Variants in ATP9A observed in about 807,000 individuals in gnomAD.
ATP9A encodes probable phospholipid-transporting ATPase IIA.
In ATP9A, 52 loss-of-function variants were observed where a neutral mutation model predicts 144.1. That is an observed-to-expected ratio of 0.36 (90% CI 0.29 to 0.45). The LOEUF is 0.45. ATP9A is among the 20% of genes least tolerant of loss of function. The probability of loss-of-function intolerance (pLI) is 1.00; values close to 1 mark genes in which losing one functional copy is unlikely to be tolerated. For missense variants in ATP9A, 947 were observed against 1,392.7 expected (o/e 0.68, Z 5.09); for synonymous variants, 582 against 557.4 (o/e 1.04, Z -0.62).
intron 14 of ATP9A, among the ~76,000 whole-genome samples, chr20:51,642,643 T>C (rs1245339750): frequency 7.0e-5 from 10 of 141,906 alleles, no homozygotes; most frequent in African/African-American, 2.7e-4. Context: ...GGAAGATTGA[T>C]TCAGCCTGGG....
At chr20:51,632,669 C>T (rs114242222) in intron 15 of ATP9A, among the ~76,000 whole-genome samples, 171 of 152,178 alleles carry the variant, frequency 1.1e-3, no homozygotes, top group African/African-American at 4.0e-3. Flanking sequence ...AGGTTTGTGC[C>T]AAGGGGAGAA....
intron 14 of ATP9A, among the ~76,000 whole-genome samples, chr20:51,650,074 C>G (rs2077357466): frequency 6.6e-6 from 1 of 152,150 alleles, no homozygotes; most frequent in African/African-American, 2.4e-5. Flanking sequence ...ATTTATGCCA[C>G]TGGGAGGCTA....
Position 51,619,033 on chromosome 20 carries a change from C to T in ATP9A, c.2126G>A (p.Arg709His). The T allele has an allele frequency of 1.2e-6, 2 of 1,614,070 alleles. No homozygotes were observed. The highest frequency in any genetic ancestry group is 8.5e-7 in the Non-Finnish European group (1 of 1,179,934). The change falls in exon 20 of 28, where the codon CGC becomes CAC. Residue 709 changes from arginine (R) to histidine (H), a missense_variant. Arg to His is a conservative substitution (Grantham distance 29). Coordinates refer to ENST00000338821, the MANE Select transcript of ATP9A (RefSeq NM_006045.3). ...GTTCAGCTCGAGGTGAGCCTCCCCG[C>T]GGTTGGTCACCTGGAAGGGAACAGA... is the stretch of plus-strand genomic sequence containing the variant. ...DIHVFRLVTN[R>H]GEAHLELNAF...
At chr20:51,754,749 G>A (rs752094012) in intron 1 of ATP9A, among the ~76,000 whole-genome samples, 4 of 152,138 alleles carry the variant, frequency 2.6e-5, no homozygotes, top group Admixed American at 6.5e-5. Flanking sequence ...CCAGAAGGCA[G>A]AGGTTGCAGT....
At chr20:51,624,208 C>T (rs79028455) in intron 18 of ATP9A, among the ~76,000 whole-genome samples, 167 of 152,306 alleles carry the variant, frequency 1.1e-3, no homozygotes, top group African/African-American at 3.8e-3. Context: ...GAAACAGGCA[C>T]GCAGGGGTGG....
At chr20:51,638,117 A>ATATATATG (rs2077302654) in intron 15 of ATP9A, among the ~76,000 whole-genome samples, 1 of 102,962 alleles carries the variant, frequency 9.7e-6, no homozygotes, top group Admixed American at 1.0e-4. Flanking sequence ...ATATATATAT[A>ATATATATG]TATATATCTC....
intron 10 of ATP9A, among the ~76,000 whole-genome samples, chr20:51,675,053 C>T (rs2077471473): frequency 6.6e-6 from 1 of 152,108 alleles, no homozygotes; most frequent in East Asian, 1.9e-4. Flanking sequence ...CTCAGGTGAT[C>T]CACCTGCCTC....
In ATP9A at chr20:51,627,647, C is replaced by A. The variant is rs368543561; in HGVS notation, c.1798G>T (p.Val600Leu). 7.4e-6 allele frequency: 12 copies of A among 1,614,082 alleles called. No individual in the cohort carries two copies. Among genetic ancestry groups the A allele is most frequent in the Non-Finnish European group, 1.0e-5 (12 of 1,180,030 alleles). ...TCTGCAAGAGACTTCTTTGCCACCA[C>A]GAGCACCCGCAGCCCTTCTCGGGCC... is the stretch of plus-strand genomic sequence containing the variant. ...NMAREGLRVL[V>L]VAKKSLAEEQ... Residue 600 changes from valine to leucine, a missense_variant, in exon 17 of 28, where the codon GTG (valine) becomes TTG (leucine). Physicochemically the swap from Val to Leu is conservative, Grantham distance 32 (BLOSUM62 1). Around this residue, in one of 2 missense-constraint regions of ATP9A, gnomAD observed 770 missense variants for 1,047.9 expected, o/e 0.73. Transcript: ENST00000338821.
chr20:51,705,404 T>C (rs1314473470), intron 4 of ATP9A, among the ~76,000 whole-genome samples: 1 of 152,200 alleles, frequency 6.6e-6, no homozygotes, highest in Non-Finnish European at 1.5e-5. Flanking sequence ...ATCACTCAAC[T>C]ATCTAGAAAG....
intron 2 of ATP9A, among the ~76,000 whole-genome samples, chr20:51,726,320 A>G (rs1198488929): frequency 1.5e-5 from 2 of 132,142 alleles, no homozygotes; most frequent in Non-Finnish European, 3.1e-5. Flanking sequence ...TCTCAAAAAA[A>G]AAAAAAAAAA....
At chr20:51,702,240 C>T (rs1439567236) in intron 4 of ATP9A, among the ~76,000 whole-genome samples, 1 of 147,948 alleles carries the variant, frequency 6.8e-6, no homozygotes, top group Non-Finnish European at 1.5e-5. Context: ...GCGGAGGCTG[C>T]AGTGAGCCAA....
intron 15 of ATP9A, among the ~76,000 whole-genome samples, chr20:51,635,358 C>G (rs571049448): frequency 5.4e-4 from 82 of 152,300 alleles, no homozygotes; most frequent in African/African-American, 1.9e-3. Flanking sequence ...TGAGCCCAGG[C>G]TGTGAGAGAC....
At chr20:51,652,120 G>A (rs770984255) in intron 14 of ATP9A, among the ~76,000 whole-genome samples, 15 of 152,108 alleles carry the variant, frequency 9.9e-5, no homozygotes, top group Admixed American at 7.2e-4. Flanking sequence ...TCTCGACACT[G>A]TGGAACATCC....
At chr20:51,612,930 C>T (rs2077190070) in intron 23 of ATP9A, among the ~76,000 whole-genome samples, 1 of 152,216 alleles carries the variant, frequency 6.6e-6, no homozygotes, top group African/African-American at 2.4e-5. Context: ...AAGTGTCATG[C>T]TGACCCCTGC....
chr20:51,761,498 A>C (rs570901615), intron 1 of ATP9A, among the ~76,000 whole-genome samples: 5 of 152,294 alleles, frequency 3.3e-5, no homozygotes, highest in African/African-American at 7.2e-5. Context: ...GCCGTGGCTC[A>C]CGGCTGTAAT....
At chr20:51,670,851 C>G (rs761378) in intron 12 of ATP9A, among the ~76,000 whole-genome samples, 110,890 of 151,880 alleles carry the variant, frequency 0.73, 41,517 homozygotes, top group Middle Eastern at 0.83. Context: ...TCTGTGGAAG[C>G]GGGACAGAAA....
chr20:51,654,652 G>A (rs368371080), intron 14 of ATP9A, among the ~76,000 whole-genome samples: 7 of 152,244 alleles, frequency 4.6e-5, no homozygotes, highest in East Asian at 1.9e-4. Context: ...TCATACCCAC[G>A]AGTTCAGGGC....
At chr20:51,673,328 C>T (rs909755641) in intron 11 of ATP9A, among the ~76,000 whole-genome samples, 8 of 151,980 alleles carry the variant, frequency 5.3e-5, no homozygotes, top group African/African-American at 1.7e-4. Flanking sequence ...GAGCTGAGAT[C>T]GCACCACTGC....
chr20:51,661,269 T>A (rs1351318220), intron 13 of ATP9A, among the ~76,000 whole-genome samples: 1 of 152,186 alleles, frequency 6.6e-6, no homozygotes, highest in Non-Finnish European at 1.5e-5. Flanking sequence ...TCACCAGGAA[T>A]GCCAGTTTTC....
Sources: allele counts gnomAD v4.1 joint callset (sites outside exome capture counted in the v4.1 genomes callset), GRCh38; gene constraint gnomAD v4.1.1; regional missense constraint gnomAD v4.1.1; transcripts MANE v1.5; gene names NCBI Gene and HGNC (gene_info 2026-07-23, HGNC 2026-07-21).